EML6: variants seen among roughly 807,000 people sequenced by gnomAD.
EML6 encodes the protein EMAP like 6, also known as echinoderm microtubule-associated protein-like 6.
EML6 carries 154 observed loss-of-function variants against 240.1 expected under a neutral mutation model. That is an observed-to-expected ratio of 0.64 (90% CI 0.56 to 0.73). The LOEUF is 0.73. Ranked by LOEUF, EML6 falls within the 30% of genes least tolerant of loss-of-function variation. The pLI is 0.00. For missense variants in EML6, 2,964 were observed against 2,474.6 expected (o/e 1.20, Z -4.20); for synonymous variants, 1,148 against 899.0 (o/e 1.28, Z -4.95).
chr2:54,887,816 C>T (rs1464995335), intron 17 of EML6, among the ~76,000 whole-genome samples: 4 of 152,092 alleles, frequency 2.6e-5, no homozygotes, highest in Admixed American at 2.6e-4. Flanking sequence ...AGAGAGAGTT[C>T]CCATTACCTC....
chr2:54,890,267 G>A (rs1265504567), intron 17 of EML6, among the ~76,000 whole-genome samples: 2 of 152,114 alleles, frequency 1.3e-5, no homozygotes, highest in Non-Finnish European at 2.9e-5. Context: ...GATTCTGTTT[G>A]CTAATATTTA....
At chr2:54,894,584 G>T (rs890438155) in intron 19 of EML6, among the ~76,000 whole-genome samples, 4 of 152,122 alleles carry the variant, frequency 2.6e-5, no homozygotes, top group Non-Finnish European at 5.9e-5. Context: ...AGGTTTTGAG[G>T]CTGGTTCCAT....
chr2:54,943,123 C>G (rs993251500), intron 28 of EML6, among the ~76,000 whole-genome samples: 2 of 152,210 alleles, frequency 1.3e-5, no homozygotes, highest in Non-Finnish European at 2.9e-5. Flanking sequence ...CAGGTTTCAA[C>G]TCAACCTCCT....
chr2:54,927,052 G>C (rs1015304469), intron 26 of EML6, among the ~76,000 whole-genome samples: 17 of 152,204 alleles, frequency 1.1e-4, no homozygotes, highest in African/African-American at 4.1e-4. Flanking sequence ...ACTGTCCTCT[G>C]TTTCCATGCT....
At chr2:54,896,813 A>G (rs915361617) in intron 21 of EML6, among the ~76,000 whole-genome samples, 1 of 152,188 alleles carries the variant, frequency 6.6e-6, no homozygotes, top group African/African-American at 2.4e-5. Context: ...ATGGCTCAGG[A>G]CACTGCAAGG....
chr2:54,765,750 C>G (rs1235866668), intron 2 of EML6, among the ~76,000 whole-genome samples: 1 of 152,156 alleles, frequency 6.6e-6, no homozygotes, highest in East Asian at 1.9e-4. Context: ...GTCATGCATT[C>G]TTTTTAGTTT....
intron 28 of EML6, among the ~76,000 whole-genome samples, chr2:54,937,009 G>C (rs1280024627): frequency 6.7e-6 from 1 of 148,672 alleles, no homozygotes; most frequent in East Asian, 1.9e-4. Context: ...GCCGGGCACA[G>C]TGGCTCACGC....
At chr2:54,795,542 A>T (rs891000046) in intron 2 of EML6, among the ~76,000 whole-genome samples, 4 of 152,144 alleles carry the variant, frequency 2.6e-5, no homozygotes, top group Non-Finnish European at 2.9e-5. Context: ...AAGGAGGAGG[A>T]TAGGGACCAA....
intron 7 of EML6, among the ~76,000 whole-genome samples, chr2:54,840,743 G>A (rs1269863789): frequency 6.6e-6 from 1 of 152,174 alleles, no homozygotes; most frequent in Non-Finnish European, 1.5e-5. Context: ...CAGTCACTGT[G>A]CCAGGTATTG....
intron 7 of EML6, among the ~76,000 whole-genome samples, chr2:54,840,702 C>G (rs1345039470): frequency 2.0e-5 from 3 of 152,272 alleles, no homozygotes; most frequent in East Asian, 3.9e-4. Flanking sequence ...TTCATTTGCT[C>G]AGTAATCTTT....
rs1391122411 is a variant in EML6 at position 54,724,145 on chromosome 2, C to G, written c.-514+368C>G. 6.6e-6 allele frequency among the ~76,000 whole-genome samples: 1 copy of G among 152,110 alleles called. No individual in the cohort carries two copies. Among genetic ancestry groups the G allele is most frequent in the Admixed American group, 6.5e-5 (1 of 15,284 alleles). On this transcript the variant is annotated intron_variant, in intron 1 of 41. Coordinates refer to ENST00000356458, the MANE Select transcript of EML6 (RefSeq NM_001039753.4). This position sits in a 1 kb window ranked among gnomAD's most constrained non-coding sequence, Gnocchi z 5.2. ...CGACTGCACTAGTGCCTCGTTTCTT[C>G]CGAGTAAGACAATCTTTCATGATGC...
At chr2:54,735,293 G>T (rs888878098) in intron 2 of EML6, among the ~76,000 whole-genome samples, 1 of 152,186 alleles carries the variant, frequency 6.6e-6, no homozygotes, top group African/African-American at 2.4e-5. Flanking sequence ...AATTTCATGT[G>T]TGTGTCCCTG....
chr2:54,867,116 C>T (rs1671013987), intron 14 of EML6: 1 of 350,332 alleles, frequency 2.9e-6, no homozygotes, highest in East Asian at 4.4e-5. Context: ...CTAGATTTCT[C>T]AGACTTCATA....
chr2:54,790,077 A>G (rs1430639266), intron 2 of EML6, among the ~76,000 whole-genome samples: 1 of 152,242 alleles, frequency 6.6e-6, no homozygotes, highest in Non-Finnish European at 1.5e-5. Flanking sequence ...AGCATTAAGT[A>G]AATATTTGTT....
intron 2 of EML6, among the ~76,000 whole-genome samples, chr2:54,744,683 G>C (rs931568749): frequency 1.3e-5 from 2 of 151,932 alleles, no homozygotes; most frequent in African/African-American, 4.8e-5. Context: ...AGGAAGTTGT[G>C]GGTCAGTTAG....
At chr2:54,875,492 A>G (rs1419231081) in intron 16 of EML6, among the ~76,000 whole-genome samples, 1 of 152,184 alleles carries the variant, frequency 6.6e-6, no homozygotes, top group Non-Finnish European at 1.5e-5. Context: ...ACACCTACTG[A>G]TAGCGTGCTT....
intron 2 of EML6, among the ~76,000 whole-genome samples, chr2:54,729,649 G>A (rs1185014175): frequency 1.3e-5 from 2 of 152,206 alleles, no homozygotes; most frequent in Non-Finnish European, 2.9e-5. Flanking sequence ...TTCCAAAGCT[G>A]CAAGCTTTGG....
In EML6 at chr2:54,847,535, G is replaced by A. The variant is rs1198612961; in HGVS notation, c.1099G>A (p.Glu367Lys). The change falls in exon 9 of 42, where the codon GAG becomes AAG. Residue 367 changes from glutamate to lysine, a missense_variant. Coordinates refer to ENST00000356458, the MANE Select transcript of EML6 (RefSeq NM_001039753.4). ...HALIARCNME[E>K]AVRSVAFSPD... The stretch of plus-strand genomic sequence containing the variant: ...CTTGATCGCCCGCTGTAACATGGAA[G>A]AGGCGGTTCGCAGTGTAGCTTTCAG... The A allele has an allele frequency of 1.3e-6, 2 of 1,552,160 alleles. No homozygotes were observed. Among genetic ancestry groups the A allele is most frequent in the African/African-American group, 1.4e-5 (1 of 73,176 alleles).
chr2:54,789,542 A>AAAAAAAG, intron 2 of EML6, among the ~76,000 whole-genome samples: 1 of 147,820 alleles, frequency 6.8e-6, no homozygotes, highest in African/African-American at 2.5e-5. Flanking sequence ...AAAAAAAAAA[A>AAAAAAAG]AAAAAAGAAA....
Sources: allele counts gnomAD v4.1 joint callset (sites outside exome capture counted in the v4.1 genomes callset), GRCh38; gene constraint gnomAD v4.1.1; non-coding constraint Gnocchi (gnomAD v3.1); transcripts MANE v1.5; gene names NCBI Gene and HGNC (gene_info 2026-07-23, HGNC 2026-07-21).